The following TTC28 variants were observed in gnomAD, a reference collection of about 807,000 sequenced individuals.
The protein encoded by TTC28 is tetratricopeptide repeat protein 28.
Under a neutral mutation model 198.0 loss-of-function variants are expected in TTC28, and 61 were observed. That is an observed-to-expected ratio of 0.31 (90% CI 0.25 to 0.38). The LOEUF (loss-of-function observed/expected upper bound fraction) is 0.38. Ranked by LOEUF, TTC28 falls within the 10% of genes least tolerant of loss-of-function variation. The probability of loss-of-function intolerance (pLI) is 1.00; values close to 1 mark genes in which losing one functional copy is unlikely to be tolerated. For synonymous variants in TTC28, 1,171 were observed against 1,297.8 expected (o/e 0.90, Z 2.10); for missense variants, 2,678 against 3,164.0 (o/e 0.85, Z 3.69).
At position 28,033,727 on chromosome 22, in the gene TTC28, T is replaced by C. The variant is rs115582047; in HGVS notation, c.3933-3361A>G. Among the ~76,000 whole-genome samples the C allele has an allele frequency of 9.6e-3, 1,467 of 152,336 alleles. 27 individuals carry two copies. The highest frequency in any genetic ancestry group is 0.033 in the African/African-American group (1,367 of 41,572). On this transcript the variant is annotated intron_variant, in intron 12 of 22. Transcript: ENST00000397906. ...TTAAAAAACAAAATAAATCCTACTA[T>C]TCCCAAATCCTGGGAGGAAGTCAGG...
intron 13 of TTC28, among the ~76,000 whole-genome samples, chr22:28,020,993 C>T (rs1021502516): frequency 6.6e-6 from 1 of 152,208 alleles, no homozygotes; most frequent in African/African-American, 2.4e-5. Flanking sequence ...TCACCCCTCA[C>T]CTGGCTTCCA....
rs1320883771 is a variant in TTC28 at position 28,107,533 on chromosome 22, T to A, written c.2312A>T (p.Asp771Val). 4.5e-6 allele frequency: 7 copies of A among 1,551,904 alleles called. No homozygotes were observed. The East Asian group carries it at 1.7e-4, about 38-fold the overall frequency. Residue 771 changes from aspartate to valine, a missense_variant, in exon 7 of 23, where the codon GAC becomes GTC. By Grantham distance (152) the Asp-to-Val change is radical (BLOSUM62 -3). This residue lies in a region of TTC28 where 775 missense variants were observed against 845.9 expected (regional missense o/e 0.92). Coordinates refer to ENST00000397906, the MANE Select transcript of TTC28 (RefSeq NM_001145418.2). ...CTGTGTGTGATAACCCAGGGCCTTG[T>A]CATACTTCTGGATCATTCGGTATGC... The part of the protein sequence containing the change: ...GTAYRMIQKY[D>V]KALGYHTQEL...
chr22:28,368,531 A>G (rs1387274649), intron 2 of TTC28, among the ~76,000 whole-genome samples: 2 of 152,170 alleles, frequency 1.3e-5, no homozygotes, highest in East Asian at 3.9e-4. Context: ...ACATAGTACT[A>G]GAAGTCCTAG....
chr22:27,990,660 G>A lies in TTC28; in HGVS notation c.5577+129C>T, dbSNP rs538378502. 246 of 828,606 alleles carry A rather than the reference G, an allele frequency of 3.0e-4. 1 individual carries two copies. In the African/African-American group the frequency reaches 3.9e-3, roughly 13 times the overall value. 51.3% of individuals were successfully genotyped at this position (828,606 alleles called of 1,614,324 possible). ...CCAGCAGCAGTGCGCACCCGCGGGG[G>A]CGCCGCAGCCCGTGTGGCTCCGTTT... On this transcript the variant is annotated intron_variant, in intron 20 of 22. Transcript: ENST00000397906.
At chr22:28,108,459 G>C (rs1232569980) in intron 6 of TTC28, 56 bp from the exon 7 acceptor site, 2 of 1,347,750 alleles carry the variant, frequency 1.5e-6, no homozygotes, top group East Asian at 2.7e-5. Context: ...TTGCAATGTA[G>C]AAAGAAATGT....
chr22:28,264,099 C>G (rs1316836488), intron 5 of TTC28, among the ~76,000 whole-genome samples: 2 of 152,144 alleles, frequency 1.3e-5, no homozygotes, highest in African/African-American at 2.4e-5. Context: ...CAAATCTCAT[C>G]TTGAATTATA....
chr22:28,397,992 T>TA (rs2046843337), intron 2 of TTC28, among the ~76,000 whole-genome samples: 2 of 152,216 alleles, frequency 1.3e-5, no homozygotes, highest in African/African-American at 4.8e-5. Context: ...GAACATTTTA[T>TA]AGGCACCAGA....
At chr22:28,172,315 C>G (rs764285002) in intron 5 of TTC28, among the ~76,000 whole-genome samples, 72 of 152,186 alleles carry the variant, frequency 4.7e-4, no homozygotes, top group Admixed American at 2.8e-3. Flanking sequence ...AATTTTCAAA[C>G]CCAGCCATGA....
intron 3 of TTC28, among the ~76,000 whole-genome samples, chr22:28,299,849 C>CCTGGTGT (rs1294491047): frequency 6.6e-6 from 1 of 152,184 alleles, no homozygotes; most frequent in East Asian, 1.9e-4. Context: ...TATGACATCA[C>CCTGGTGT]ACCAGGCAAG....
chr22:28,636,281 A>G (rs1241629456), intron 1 of TTC28, among the ~76,000 whole-genome samples: 1 of 151,666 alleles, frequency 6.6e-6, no homozygotes, highest in Non-Finnish European at 1.5e-5. Context: ...GCCCACCACC[A>G]TGTCCGGCTA....
chr22:28,676,323 A>C (rs1458199720), intron 1 of TTC28, among the ~76,000 whole-genome samples: 1 of 152,206 alleles, frequency 6.6e-6, no homozygotes, highest in Admixed American at 6.5e-5. Context: ...CAGAGACAGA[A>C]AGTAGGCTAG....
intron 2 of TTC28, among the ~76,000 whole-genome samples, chr22:28,589,119 T>C (rs754766320): frequency 6.6e-6 from 1 of 152,190 alleles, no homozygotes; most frequent in Non-Finnish European, 1.5e-5. Flanking sequence ...CTCCAATTCT[T>C]ACCTCAAGCA....
intron 5 of TTC28, among the ~76,000 whole-genome samples, chr22:28,267,987 C>T (rs1041189880): frequency 1.3e-5 from 2 of 152,038 alleles, no homozygotes; most frequent in African/African-American, 4.8e-5. Context: ...CTTATTTAAA[C>T]CTAAAGGGTA....
chr22:28,155,943 AGTAG>A (rs1470045709), intron 6 of TTC28, among the ~76,000 whole-genome samples: 1 of 152,206 alleles, frequency 6.6e-6, no homozygotes, highest in East Asian at 1.9e-4. Flanking sequence ...AAACTCAACT[AGTAG>A]GTTGATGCAA....
At chr22:28,337,695 AGATGTTCCTC>A in intron 2 of TTC28, among the ~76,000 whole-genome samples, 1 of 152,148 alleles carries the variant, frequency 6.6e-6, no homozygotes, top group African/African-American at 2.4e-5. Flanking sequence ...TTTGCTTGGT[AGATGTTCCTC>A]CATCCCTTTA....
intron 6 of TTC28, among the ~76,000 whole-genome samples, chr22:28,136,908 T>C (rs572243213): frequency 6.6e-6 from 1 of 152,260 alleles, no homozygotes; most frequent in Non-Finnish European, 1.5e-5. Context: ...GCTGGAAAAC[T>C]TGGGAGTACC....
At chr22:28,136,470 C>T (rs1423708192) in intron 6 of TTC28, among the ~76,000 whole-genome samples, 2 of 152,162 alleles carry the variant, frequency 1.3e-5, no homozygotes, top group African/African-American at 2.4e-5. Flanking sequence ...TTTGATTCTG[C>T]ACTTCTCTCC....
chr22:28,336,876 T>C (rs2145892556), intron 2 of TTC28, among the ~76,000 whole-genome samples: 1 of 152,356 alleles, frequency 6.6e-6, no homozygotes, highest in African/African-American at 2.4e-5. Context: ...TCTTGCCTTC[T>C]GCTAGCTTTT....
intron 5 of TTC28, among the ~76,000 whole-genome samples, chr22:28,202,259 G>A (rs1418080402): frequency 1.3e-5 from 2 of 152,058 alleles, no homozygotes; most frequent in Admixed American, 6.5e-5. Flanking sequence ...AAACAAGGCC[G>A]GGTGCAGTGG....
Sources: gnomAD v4.1 joint callset for allele counts (sites outside exome capture counted in the v4.1 genomes callset) on GRCh38, gnomAD v4.1.1 for gene constraint, gnomAD v4.1.1 regional missense constraint, MANE v1.5 for transcripts, NCBI Gene and HGNC (gene_info 2026-07-23, HGNC 2026-07-21) for gene names.